Variants in SGCD observed in about 807,000 individuals in gnomAD.
SGCD encodes delta-sarcoglycan.
Under a neutral mutation model 36.6 loss-of-function variants are expected in SGCD, and 18 were observed. The ratio of observed to expected loss-of-function variants is 0.49; its 90% CI spans 0.34 to 0.73. The LOEUF is 0.73. Among genes scored for constraint, SGCD ranks in the 30% least tolerant of loss-of-function variants. The pLI is 0.01. For missense variants in SGCD, 387 were observed against 346.7 expected (o/e 1.12, Z -0.92); for synonymous variants, 133 against 130.6 (o/e 1.02, Z -0.12).
At chr5:155,953,776 A>G (rs1057130600) in intron 1 of SGCD, among the ~76,000 whole-genome samples, 1 of 152,220 alleles carries the variant, frequency 6.6e-6, no homozygotes, top group Non-Finnish European at 1.5e-5. Context: ...CAACTAGGTC[A>G]TCTTGTATTT....
intron 7 of SGCD, among the ~76,000 whole-genome samples, chr5:156,716,024 C>T (rs775998966): frequency 1.4e-4 from 21 of 152,240 alleles, no homozygotes; most frequent in Middle Eastern, 6.8e-3. Flanking sequence ...AAGAAAAGAA[C>T]GTGTATTGCC....
At chr5:155,876,271 A>C (rs1293788384) in intron 1 of SGCD, among the ~76,000 whole-genome samples, 1 of 143,780 alleles carries the variant, frequency 7.0e-6, no homozygotes, top group Admixed American at 7.4e-5. Context: ...CATTGTTCAA[A>C]GTTGTTTTGA....
intron 4 of SGCD, among the ~76,000 whole-genome samples, chr5:156,576,656 T>G (rs917874035): frequency 2.0e-5 from 3 of 152,262 alleles, no homozygotes; most frequent in Non-Finnish European, 1.5e-5. Context: ...GTTTTTTATT[T>G]GCATTTCTCT....
intron 1 of SGCD, among the ~76,000 whole-genome samples, chr5:156,117,300 C>G (rs981811082): frequency 6.6e-6 from 1 of 151,862 alleles, no homozygotes; most frequent in Non-Finnish European, 1.5e-5. Context: ...GTGTTATGCC[C>G]ATTTTATAGG....
chr5:155,836,186 G>A, the SGCD span, among the ~76,000 whole-genome samples: 133 of 152,234 alleles, frequency 8.7e-4, no homozygotes, highest in Admixed American at 1.7e-3. Flanking sequence ...TCTGGACTGA[G>A]GAGATAGCTG....
At chr5:156,104,529 G>A (rs1235473673) in intron 1 of SGCD, among the ~76,000 whole-genome samples, 1 of 152,084 alleles carries the variant, frequency 6.6e-6, no homozygotes, top group African/African-American at 2.4e-5. Context: ...CTGGATTTAG[G>A]TCATTGGGGT....
chr5:156,454,718 C>T (rs942745034), intron 3 of SGCD, among the ~76,000 whole-genome samples: 2 of 152,226 alleles, frequency 1.3e-5, no homozygotes, highest in Middle Eastern at 3.4e-3. Context: ...GGTGATGATC[C>T]TGGCTGCAGG....
At chr5:156,145,722 T>C (rs1561538579) in intron 3 of SGCD, among the ~76,000 whole-genome samples, 1 of 152,084 alleles carries the variant, frequency 6.6e-6, no homozygotes, top group Non-Finnish European at 1.5e-5. Context: ...AATGAAGCAC[T>C]TACTACCAAT....
upstream of SGCD, among the ~76,000 whole-genome samples, chr5:155,867,360 G>T (rs1019629566): frequency 6.6e-6 from 1 of 152,110 alleles, no homozygotes; most frequent in African/African-American, 2.4e-5. Context: ...TGATACTGAA[G>T]GACTCCCAGC....
At chr5:156,330,850 G>T (rs541299154) in intron 2 of SGCD, among the ~76,000 whole-genome samples, 1 of 152,174 alleles carries the variant, frequency 6.6e-6, no homozygotes, top group African/African-American at 2.4e-5. Flanking sequence ...TGCCTCAAAC[G>T]AAGACTGGGG....
Position 156,413,773 on chromosome 5 carries a change from C to T in SGCD, c.192+69096C>T, listed in dbSNP as rs147293094. 1.1e-3 allele frequency among the ~76,000 whole-genome samples: 170 copies of T among 152,282 alleles called. 1 individual carries two copies. The highest frequency in any genetic ancestry group is 6.0e-3 in the South Asian group (29 of 4,828). On this transcript the variant is annotated intron_variant, in intron 3 of 8. Coordinates refer to ENST00000337851, the MANE Select transcript of SGCD (RefSeq NM_000337.6). ...GTAAAACAAACTTTGTCTTTGCTAG[C>T]GCAGACATTTGAAATGGATTTCTAA...
intron 3 of SGCD, among the ~76,000 whole-genome samples, chr5:156,457,606 T>C (rs940733718): frequency 2.0e-5 from 3 of 152,226 alleles, no homozygotes; most frequent in Non-Finnish European, 2.9e-5. Flanking sequence ...CTCTCCACTG[T>C]TATTTCTGCC....
intron 3 of SGCD, among the ~76,000 whole-genome samples, chr5:156,195,081 T>C (rs2127634312): frequency 6.6e-6 from 1 of 152,292 alleles, no homozygotes; most frequent in South Asian, 2.1e-4. Context: ...TTCTTTAGGA[T>C]GTATTTATTT....
At chr5:156,220,572 C>T (rs961311890) in intron 3 of SGCD, among the ~76,000 whole-genome samples, 1 of 152,086 alleles carries the variant, frequency 6.6e-6, no homozygotes, top group Non-Finnish European at 1.5e-5. Flanking sequence ...AAGAGAAAAT[C>T]TCTCATGGCC....
At chr5:156,479,239 C>T (rs540739796) in intron 3 of SGCD, among the ~76,000 whole-genome samples, 26 of 152,038 alleles carry the variant, frequency 1.7e-4, no homozygotes, top group African/African-American at 5.3e-4. Flanking sequence ...ACTACAGGCA[C>T]GCACCACCAT....
At chr5:155,752,213 C>T in the SGCD span, among the ~76,000 whole-genome samples, 2 of 152,302 alleles carry the variant, frequency 1.3e-5, no homozygotes, top group Non-Finnish European at 1.5e-5. Context: ...ATATGGCATG[C>T]TGCTAGAATG....
At chr5:156,556,897 G>A (rs1759046109) in intron 4 of SGCD, among the ~76,000 whole-genome samples, 1 of 152,154 alleles carries the variant, frequency 6.6e-6, no homozygotes, top group African/African-American at 2.4e-5. Flanking sequence ...CAAATAAAGA[G>A]TCATATGTTT....
intron 1 of SGCD, among the ~76,000 whole-genome samples, chr5:156,087,687 A>G (rs1283917345): frequency 6.6e-6 from 1 of 151,792 alleles, no homozygotes; most frequent in Non-Finnish European, 1.5e-5. Context: ...TTTGTAAAAC[A>G]GCTTTATGCA....
intron 1 of SGCD, among the ~76,000 whole-genome samples, chr5:155,878,492 G>T (rs771117591): frequency 6.6e-6 from 1 of 151,954 alleles, no homozygotes; most frequent in Non-Finnish European, 1.5e-5. Context: ...CAAACAGACT[G>T]TACTTTATAT....
Sources: allele counts gnomAD v4.1 joint callset (sites outside exome capture counted in the v4.1 genomes callset), GRCh38; gene constraint gnomAD v4.1.1; transcripts MANE v1.5; gene names NCBI Gene and HGNC (gene_info 2026-07-23, HGNC 2026-07-21).